CBX1: variants seen among roughly 807,000 people sequenced by gnomAD.
CBX1 encodes chromobox 1.
A neutral mutation model predicts 25.1 loss-of-function variants in CBX1; 10 were observed. The ratio of observed to expected loss-of-function variants is 0.40; its 90% CI spans 0.25 to 0.68. The LOEUF (loss-of-function observed/expected upper bound fraction) is 0.68, where lower values mean the gene tolerates loss of function less well. CBX1 is among the 30% of genes least tolerant of loss of function. The pLI is 0.40. For synonymous variants in CBX1, 63 were observed against 79.4 expected (o/e 0.79, Z 1.10); for missense variants, 106 against 218.5 (o/e 0.49, Z 3.25).
intron 1 of CBX1, among the ~76,000 whole-genome samples, chr17:48,091,595 C>T (rs977092111): frequency 5.2e-5 from 7 of 133,492 alleles, no homozygotes; most frequent in African/African-American, 8.6e-5. Context: ...GGCTAGAATG[C>T]GGGGGCATGA....
At chr17:48,100,835 C>A in intron 1 of CBX1, 1 of 985,732 alleles carries the variant, frequency 1.0e-6, no homozygotes, top group Non-Finnish European at 1.2e-6. Context: ...CTCTGGCAGT[C>A]CCAGCCGGAC....
At chr17:48,072,258 G>A (rs2037631560) in intron 4 of CBX1, among the ~76,000 whole-genome samples, 1 of 152,064 alleles carries the variant, frequency 6.6e-6, no homozygotes. Flanking sequence ...TGATCCACCT[G>A]CCTCAGCCTC....
chr17:48,101,343 G>T lies in CBX1; in HGVS notation c.-113C>A. ...GCGTCGCGTCGGGTCGCCTGGGGGA[G>T]TGGCGCCCAGGAAGGCAGCAAGCCG... On this transcript the variant is annotated 5_prime_UTR_variant, in exon 1 of 5. Coordinates refer to ENST00000225603, the MANE Select transcript of CBX1 (RefSeq NM_001127228.2). The T allele has an allele frequency of 1.0e-6, 1 of 986,184 alleles. No homozygotes were observed. 61.1% of individuals were successfully genotyped at this position (986,184 alleles called of 1,614,324 possible).
At chr17:48,098,759 G>A (rs2063390035) in intron 1 of CBX1, among the ~76,000 whole-genome samples, 1 of 152,174 alleles carries the variant, frequency 6.6e-6, no homozygotes, top group Non-Finnish European at 1.5e-5. Context: ...ACTCTTCGTG[G>A]AAAGAACCTA....
chr17:48,075,850 G>A, intron 3 of CBX1, 151 bp downstream of exon 3: 1 of 561,210 alleles, frequency 1.8e-6, no homozygotes, highest in South Asian at 3.1e-5. Context: ...GTGGCTTCAT[G>A]ACAGTACACT....
chr17:48,087,057 C>T (rs2063315868), intron 1 of CBX1, among the ~76,000 whole-genome samples: 2 of 149,554 alleles, frequency 1.3e-5, no homozygotes, highest in Non-Finnish European at 3.0e-5. Context: ...GGCGTGGTGG[C>T]GGGTGCCTGT....
intron 1 of CBX1, among the ~76,000 whole-genome samples, chr17:48,092,171 G>GT (rs2063347904): frequency 6.6e-6 from 1 of 150,622 alleles, no homozygotes; most frequent in Admixed American, 6.6e-5. Flanking sequence ...TGTATTTTTA[G>GT]TAGAGATGGG....
At chr17:48,085,364 G>A (rs1050942741) in intron 1 of CBX1, among the ~76,000 whole-genome samples, 1 of 152,122 alleles carries the variant, frequency 6.6e-6, no homozygotes, top group Non-Finnish European at 1.5e-5. Flanking sequence ...ATCTAGCAAG[G>A]CTAGGCTAAA....
At chr17:48,087,525 G>T (rs1335604579) in intron 1 of CBX1, among the ~76,000 whole-genome samples, 1 of 152,090 alleles carries the variant, frequency 6.6e-6, no homozygotes, top group East Asian at 1.9e-4. Context: ...AGTAAGCCAA[G>T]ATCATGCCAT....
Position 48,091,509 on chromosome 17 carries a change from G to GGT in CBX1, c.-38+9758_-38+9759insAC, listed in dbSNP as rs1436175282. Among the ~76,000 whole-genome samples the GGT allele has an allele frequency of 1.8e-4, 27 of 150,114 alleles. No homozygotes were observed. In the East Asian group the frequency reaches 5.3e-3, roughly 29 times the overall value. On this transcript the variant is annotated intron_variant, in intron 1 of 4. Coordinates refer to ENST00000225603, the MANE Select transcript of CBX1 (RefSeq NM_001127228.2). Reference sequence around the variant, plus strand: ...CCTGCCTCAGCCTCCCAAGTAGCTGGGATTACAGGTGCCCGCCACCATGCC... The same window carrying GGT: ...CCTGCCTCAGCCTCCCAAGTAGCTGGGTGATTACAGGTGCCCGCCACCATGCC...
At chr17:48,071,995 ATTTTTTT>A (rs5820681) in intron 4 of CBX1, among the ~76,000 whole-genome samples, 2 of 121,390 alleles carry the variant, frequency 1.6e-5, no homozygotes, top group African/African-American at 3.2e-5. Context: ...TTGTAATAGG[ATTTTTTT>A]TTTTTTTTTT....
At chr17:48,087,514 C>G (rs1048948958) in intron 1 of CBX1, among the ~76,000 whole-genome samples, 2 of 151,926 alleles carry the variant, frequency 1.3e-5, no homozygotes, top group African/African-American at 4.8e-5. Context: ...GCGGAGGTTG[C>G]AGTAAGCCAA....
chr17:48,088,155 C>CA (rs1567767968), intron 1 of CBX1: 2 of 148,046 alleles, frequency 1.4e-5, no homozygotes, highest in Admixed American at 6.7e-5. Flanking sequence ...ACTAAAAATA[C>CA]AAAAAATTAC....
chr17:48,075,150 C>G, intron 3 of CBX1, 50 bp from the exon 4 acceptor site: 1 of 1,196,602 alleles, frequency 8.4e-7, no homozygotes, highest in South Asian at 1.2e-5. Flanking sequence ...GGACTATTAT[C>G]CAGACTGGAA....
At chr17:48,083,303 C>T (rs984881383) in intron 1 of CBX1, among the ~76,000 whole-genome samples, 3 of 150,620 alleles carry the variant, frequency 2.0e-5, no homozygotes, top group Admixed American at 6.6e-5. Context: ...AGCCATCATG[C>T]CTGGTCAATT....
intron 1 of CBX1, among the ~76,000 whole-genome samples, chr17:48,089,095 T>C (rs1463266259): frequency 7.3e-6 from 1 of 137,420 alleles, no homozygotes; most frequent in Non-Finnish European, 1.5e-5. Flanking sequence ...AAAGCTGGCA[T>C]CTGCATCTTT....
intron 1 of CBX1, among the ~76,000 whole-genome samples, chr17:48,091,535 CTTTTTTTTTT>C (rs4053473): frequency 6.9e-5 from 5 of 72,188 alleles, no homozygotes; most frequent in Non-Finnish European, 1.3e-4. Context: ...CCACCATGCC[CTTTTTTTTTT>C]TTTTTTTTTT....
intron 1 of CBX1, chr17:48,095,899 G>A (rs1381392779): frequency 7.3e-5 from 11 of 151,670 alleles, no homozygotes; most frequent in Admixed American, 7.2e-4. Context: ...TTTTTTTTTG[G>A]AGATGGAGTC....
At chr17:48,096,526 C>T (rs554576161) in intron 1 of CBX1, 2 of 232,986 alleles carry the variant, frequency 8.6e-6, no homozygotes, top group East Asian at 1.8e-4. Context: ...AATCCCAGCA[C>T]TTTGAGAGGC....
Sources: allele counts gnomAD v4.1 joint callset (sites outside exome capture counted in the v4.1 genomes callset), GRCh38; gene constraint gnomAD v4.1.1; transcripts MANE v1.5; gene names NCBI Gene and HGNC (gene_info 2026-07-23, HGNC 2026-07-21).